RBP2: variants seen among roughly 807,000 people sequenced by gnomAD.
RBP2 encodes the protein retinol binding protein 2.
Under a neutral mutation model 17.0 loss-of-function variants are expected in RBP2, and 17 were observed. That is an observed-to-expected ratio of 1.00 (90% CI 0.68 to 1.50). RBP2 has a LOEUF of 1.50. Among genes scored for constraint, RBP2 ranks in the 40% most tolerant of loss-of-function variants. The pLI is 0.00. For missense variants in RBP2, 158 were observed against 168.2 expected (o/e 0.94, Z 0.33); for synonymous variants, 48 against 57.1 (o/e 0.84, Z 0.72).
At chr3:139,475,492 C>G (rs1933709524) in intron 1 of RBP2, among the ~76,000 whole-genome samples, 1 of 152,152 alleles carries the variant, frequency 6.6e-6, no homozygotes, top group Admixed American at 6.5e-5. Flanking sequence ...CTCCCACCAT[C>G]ATATCCAAGT....
intron 3 of RBP2, 126 bp downstream of exon 3, chr3:139,454,603 C>A: frequency 2.5e-6 from 2 of 797,732 alleles, no homozygotes; most frequent in Admixed American, 2.0e-5. Context: ...TATATGACCA[C>A]ATGCATTTGG....
At chr3:139,459,833 A>AGTGTGT (rs56943288) in intron 2 of RBP2, among the ~76,000 whole-genome samples, 155 of 134,110 alleles carry the variant, frequency 1.2e-3, no homozygotes, top group African/African-American at 3.9e-3. Context: ...GGTGTGTGTG[A>AGTGTGT]GTGTGTGTGT....
chr3:139,474,378 C>A (rs1236685886), intron 1 of RBP2, among the ~76,000 whole-genome samples: 1 of 152,144 alleles, frequency 6.6e-6, no homozygotes, highest in Non-Finnish European at 1.5e-5. Context: ...TTGCTTCTCA[C>A]CTTAAGCCTA....
chr3:139,472,883 C>G (rs891550824), intron 1 of RBP2, among the ~76,000 whole-genome samples: 1 of 152,242 alleles, frequency 6.6e-6, no homozygotes, highest in Admixed American at 6.5e-5. Flanking sequence ...GGTTCTGCTT[C>G]AGATGGCACA....
At chr3:139,457,283 C>T (rs1235938181) in intron 2 of RBP2, among the ~76,000 whole-genome samples, 1 of 152,224 alleles carries the variant, frequency 6.6e-6, no homozygotes, top group Non-Finnish European at 1.5e-5. Context: ...AGTGCACACA[C>T]GTACATCAAT....
intron 3 of RBP2, among the ~76,000 whole-genome samples, chr3:139,453,749 CATG>C (rs1943350087): frequency 6.6e-6 from 1 of 152,206 alleles, no homozygotes. Flanking sequence ...GAGGGAAAAA[CATG>C]AGTGTGGGAA....
In RBP2 at chr3:139,474,230, A is replaced by G. The variant is rs1005389615; in HGVS notation, c.73+2157T>C. ...CACAACTTGTGAGCCCCTTACTCACATTAAAGGTGTAAGTTGATGTGAAAA... is the reference window on the plus strand; with the variant it reads ...CACAACTTGTGAGCCCCTTACTCACGTTAAAGGTGTAAGTTGATGTGAAAA... On this transcript the variant is annotated intron_variant, in intron 1 of 3. Coordinates refer to ENST00000232217, the MANE Select transcript of RBP2 (RefSeq NM_004164.3). 3.3e-5 allele frequency among the ~76,000 whole-genome samples: 5 copies of G among 152,222 alleles called. No homozygotes were observed. The East Asian group carries it at 9.6e-4, about 29-fold the overall frequency.
At chr3:139,475,445 A>G (rs550220673) in intron 1 of RBP2, among the ~76,000 whole-genome samples, 11 of 151,646 alleles carry the variant, frequency 7.3e-5, no homozygotes, top group Non-Finnish European at 1.6e-4. Flanking sequence ...GAAGTTTATC[A>G]CACCAAAAAA....
chr3:139,458,947 A>G (rs947855258), intron 2 of RBP2, among the ~76,000 whole-genome samples: 1 of 152,158 alleles, frequency 6.6e-6, no homozygotes, highest in Non-Finnish European at 1.5e-5. Flanking sequence ...CATAGAACCC[A>G]CAGGAAGTCC....
intron 1 of RBP2, among the ~76,000 whole-genome samples, chr3:139,473,061 C>T (rs1218436262): frequency 1.3e-5 from 2 of 152,204 alleles, no homozygotes; most frequent in Non-Finnish European, 2.9e-5. Context: ...CCTCCCATTC[C>T]TTCATCGCCT....
At chr3:139,473,040 T>C (rs1210405975) in intron 1 of RBP2, among the ~76,000 whole-genome samples, 1 of 152,196 alleles carries the variant, frequency 6.6e-6, no homozygotes, top group Non-Finnish European at 1.5e-5. Context: ...CTCTTAAAAA[T>C]GAAGACCACC....
At chr3:139,469,689 C>CT (rs903168014) in intron 1 of RBP2, among the ~76,000 whole-genome samples, 33 of 98,668 alleles carry the variant, frequency 3.3e-4, no homozygotes, top group African/African-American at 1.3e-3. Flanking sequence ...GTCTGTCTGT[C>CT]TATCTATCTA....
intron 1 of RBP2, 83 bp downstream of exon 1, chr3:139,476,304 A>C: frequency 8.7e-7 from 1 of 1,144,310 alleles, no homozygotes; most frequent in Non-Finnish European, 1.3e-6. Context: ...GGTCTGTTGA[A>C]CTCCATAGCA....
intron 1 of RBP2, among the ~76,000 whole-genome samples, chr3:139,470,790 T>A (rs990392006): frequency 2.6e-5 from 4 of 152,088 alleles, no homozygotes; most frequent in African/African-American, 7.2e-5. Flanking sequence ...CCTCACTATG[T>A]TGCCTAGGCT....
intron 2 of RBP2, among the ~76,000 whole-genome samples, chr3:139,456,174 C>T (rs1932953166): frequency 6.6e-6 from 1 of 152,066 alleles, no homozygotes; most frequent in African/African-American, 2.4e-5. Context: ...TACATTATGC[C>T]TCTCTGAACA....
intron 1 of RBP2, among the ~76,000 whole-genome samples, chr3:139,468,187 A>G (rs1933427429): frequency 6.6e-6 from 1 of 152,142 alleles, no homozygotes; most frequent in African/African-American, 2.4e-5. Context: ...TTTCCACTCA[A>G]TGGATGTGGA....
intron 1 of RBP2, among the ~76,000 whole-genome samples, chr3:139,471,152 ATAT>A (rs1933553360): frequency 1.3e-5 from 2 of 152,026 alleles, no homozygotes; most frequent in Admixed American, 1.3e-4. Flanking sequence ...ATTTCCCACT[ATAT>A]CTCCAATGCC....
chr3:139,466,708 C>T (rs914193469), intron 1 of RBP2: 2 of 152,282 alleles, frequency 1.3e-5, no homozygotes, highest in African/African-American at 2.4e-5. Context: ...TTGTGAAGAG[C>T]TTTGCCCAGT....
intron 1 of RBP2, 120 bp from the exon 2 acceptor site, chr3:139,462,410 T>A: frequency 9.5e-7 from 1 of 1,055,454 alleles, no homozygotes; most frequent in Non-Finnish European, 1.4e-6. Context: ...CTGTCTTTGC[T>A]TAAGTGGGAA....
Sources: allele counts gnomAD v4.1 joint callset (sites outside exome capture counted in the v4.1 genomes callset), GRCh38; gene constraint gnomAD v4.1.1; transcripts MANE v1.5; gene names NCBI Gene and HGNC (gene_info 2026-07-23, HGNC 2026-07-21).